Variants in WNK1 observed in about 807,000 individuals in gnomAD.
WNK1 encodes the protein serine/threonine-protein kinase WNK1.
WNK1 carries 38 observed loss-of-function variants against 222.8 expected under a neutral mutation model. The observed-to-expected ratio is 0.17, with a 90% CI of 0.13 to 0.22. WNK1 has a LOEUF of 0.22. Among genes scored for constraint, WNK1 ranks in the 10% least tolerant of loss-of-function variants. The pLI, the probability that WNK1 is intolerant of heterozygous loss-of-function variation, is 1.00. For synonymous variants in WNK1, 1,090 were observed against 1,092.9 expected (o/e 1.00, Z 0.05); for missense variants, 2,348 against 2,918.4 (o/e 0.80, Z 4.50).
chr12:871,962 A>T (rs1419971394), intron 9 of WNK1, among the ~76,000 whole-genome samples: 1 of 152,032 alleles, frequency 6.6e-6, no homozygotes, highest in Non-Finnish European at 1.5e-5. Context: ...CTTTTTTTCC[A>T]CTGCTTGCAG....
At chr12:780,791 G>A (rs1943615379) in intron 1 of WNK1, among the ~76,000 whole-genome samples, 1 of 152,218 alleles carries the variant, frequency 6.6e-6, no homozygotes, top group Non-Finnish European at 1.5e-5. Flanking sequence ...TGTCTAATTA[G>A]TAAACTGAGT....
intron 4 of WNK1, among the ~76,000 whole-genome samples, chr12:841,801 G>A (rs1194108866): frequency 2.6e-5 from 4 of 152,092 alleles, no homozygotes; most frequent in Admixed American, 2.6e-4. Context: ...GAGTCAAAAA[G>A]CTCCCTCCGG....
rs201360097 is a variant in WNK1, at chr12:753,967, C to T, written c.402C>T (p.Ala134=). 1.4e-5 allele frequency: 22 copies of T among 1,596,272 alleles called. No homozygotes were observed. Among genetic ancestry groups the T allele is most frequent in the Non-Finnish European group, 1.9e-5 (22 of 1,172,562 alleles). Residue 134 remains alanine, a synonymous_variant, in exon 1 of 28, where the codon GCC becomes GCT. Transcript: ENST00000315939. This position sits in a 1 kb window ranked among gnomAD's most constrained non-coding sequence, Gnocchi z 5.2. The part of the protein sequence containing the change: ...TVTATATSQV[A]QQPPAAAAPG... ...CCGCCACCGCCACTTCCCAGGTAGC[C>T]CAGCAGCCTCCAGCCGCTGCCGCCC... is the stretch of plus-strand genomic sequence containing the variant.
chr12:861,155 G>A lies in WNK1; in HGVS notation c.1763G>A (p.Ser588Asn). The A allele has an allele frequency of 1.9e-6, 3 of 1,613,964 alleles. No homozygotes were observed. The highest frequency in any genetic ancestry group is 2.5e-6 in the Non-Finnish European group (3 of 1,179,954). Residue 588 changes from serine to asparagine, a missense_variant, in exon 7 of 28, where the codon AGT becomes AAT. Around this residue, in one of 13 missense-constraint regions of WNK1, gnomAD observed 103 missense variants for 111.5 expected, o/e 0.92. Coordinates refer to ENST00000315939, the MANE Select transcript of WNK1 (RefSeq NM_018979.4). The part of the protein sequence containing the change: ...EQEKKKQEES[S>N]LKQQVEQSSA... Reference sequence around the variant, plus strand: ...GAAAAAAAAAAGCAGGAAGAGAGCAGTCTCAAACAGCAGGTAGAACAATCC... The same window carrying A: ...GAAAAAAAAAAGCAGGAAGAGAGCAATCTCAAACAGCAGGTAGAACAATCC...
chr12:787,940 G>A (rs1025105292), intron 1 of WNK1, among the ~76,000 whole-genome samples: 1 of 152,164 alleles, frequency 6.6e-6, no homozygotes, highest in Non-Finnish European at 1.5e-5. Flanking sequence ...GATATTATAT[G>A]TAATTTCAAG....
chr12:765,314 G>C (rs555386102), intron 1 of WNK1, among the ~76,000 whole-genome samples: 1 of 147,248 alleles, frequency 6.8e-6, no homozygotes, highest in South Asian at 2.2e-4. Flanking sequence ...TTGGAAGGCT[G>C]AGGCAGGAGG....
At chr12:822,175 C>T (rs1352715837) in intron 2 of WNK1, among the ~76,000 whole-genome samples, 1 of 136,988 alleles carries the variant, frequency 7.3e-6, no homozygotes, top group Non-Finnish European at 1.5e-5. Context: ...CTCACTGCAA[C>T]CCCCGCCTCC....
intron 4 of WNK1, among the ~76,000 whole-genome samples, chr12:839,037 A>G (rs1430877275): frequency 6.6e-6 from 1 of 152,214 alleles, no homozygotes; most frequent in Non-Finnish European, 1.5e-5. Context: ...ACAAACAAAT[A>G]AAGCAAACAG....
intron 4 of WNK1, among the ~76,000 whole-genome samples, chr12:852,208 T>C (rs1378430764): frequency 6.6e-6 from 1 of 152,184 alleles, no homozygotes; most frequent in Non-Finnish European, 1.5e-5. Flanking sequence ...GCCTATAAAA[T>C]GTGCATATGT....
chr12:823,477 G>C (rs2154023307), intron 2 of WNK1, among the ~76,000 whole-genome samples: 1 of 152,256 alleles, frequency 6.6e-6, no homozygotes, highest in Non-Finnish European at 1.5e-5. Context: ...TCCTCAGACT[G>C]TACAGTTTCA....
intron 2 of WNK1, among the ~76,000 whole-genome samples, chr12:817,506 G>A (rs1323449857): frequency 6.6e-6 from 1 of 152,152 alleles, no homozygotes; most frequent in East Asian, 1.9e-4. Context: ...GAGGCAGATT[G>A]GGAAGGAATG....
At chr12:846,540 T>C (rs1214194928) in intron 4 of WNK1, among the ~76,000 whole-genome samples, 1 of 152,182 alleles carries the variant, frequency 6.6e-6, no homozygotes, top group Non-Finnish European at 1.5e-5. Context: ...AAGAGGCTTG[T>C]TTTCCAATGG....
chr12:833,076 G>A (rs903976533), intron 4 of WNK1, among the ~76,000 whole-genome samples: 1 of 142,392 alleles, frequency 7.0e-6, no homozygotes, highest in Non-Finnish European at 1.5e-5. Context: ...CCTTTATTTT[G>A]TTTAAAATTG....
chr12:877,803 T>A (rs1433660616), intron 9 of WNK1, among the ~76,000 whole-genome samples: 1 of 152,118 alleles, frequency 6.6e-6, no homozygotes, highest in African/African-American at 2.4e-5. Context: ...GAAAAAAGAT[T>A]AAAGGAAGCT....
At chr12:770,772 C>T (rs1942380072) in intron 1 of WNK1, among the ~76,000 whole-genome samples, 1 of 152,122 alleles carries the variant, frequency 6.6e-6, no homozygotes, top group Non-Finnish European at 1.5e-5. Context: ...AATTGGAATC[C>T]TCATCCTTTA....
chr12:782,393 C>T (rs941144078), intron 1 of WNK1, among the ~76,000 whole-genome samples: 3 of 152,020 alleles, frequency 2.0e-5, no homozygotes, highest in Admixed American at 2.0e-4. Context: ...ATGAGAAAAC[C>T]AAGGGAACAA....
chr12:805,797 T>C (rs1946320125), intron 1 of WNK1, among the ~76,000 whole-genome samples: 1 of 152,190 alleles, frequency 6.6e-6, no homozygotes, highest in Non-Finnish European at 1.5e-5. Context: ...GTTGGTAATA[T>C]GATTCAAAAA....
intron 11 of WNK1, 39 bp from the exon 12 acceptor site, chr12:880,682 C>G (rs549039844): frequency 1.2e-6 from 2 of 1,611,858 alleles, no homozygotes; most frequent in Admixed American, 1.7e-5. Context: ...TTATTGACCC[C>G]CAACCTGCTC....
intron 4 of WNK1, among the ~76,000 whole-genome samples, 186 bp from the exon 5 acceptor site, chr12:856,975 G>A (rs1950840880): frequency 6.6e-6 from 1 of 152,092 alleles, no homozygotes; most frequent in Non-Finnish European, 1.5e-5. Context: ...ACTGTTCCAT[G>A]TTTTCTTGTG....
Sources: gnomAD v4.1 joint callset for allele counts (sites outside exome capture counted in the v4.1 genomes callset) on GRCh38, gnomAD v4.1.1 for gene constraint, gnomAD v4.1.1 regional missense constraint, Gnocchi (gnomAD v3.1) non-coding constraint, MANE v1.5 for transcripts, NCBI Gene and HGNC (gene_info 2026-07-23, HGNC 2026-07-21) for gene names.